Variants in REC114 observed in about 807,000 individuals in gnomAD.
REC114 encodes the protein REC114 meiotic recombination protein.
REC114 carries 27 observed loss-of-function variants against 31.3 expected under a neutral mutation model. The ratio of observed to expected loss-of-function variants is 0.86; its 90% CI spans 0.64 to 1.19. The LOEUF (loss-of-function observed/expected upper bound fraction) is 1.19, where lower values mean the gene tolerates loss of function less well. Among genes scored for constraint, REC114 ranks in the 50% most tolerant of loss-of-function variants. The pLI is 0.00. For missense variants in REC114, 344 were observed against 326.9 expected, an observed-to-expected ratio of 1.05 and a Z score of -0.40; for synonymous variants, 134 against 127.7, an observed-to-expected ratio of 1.05 and a Z score of -0.33.
chr15:73,546,030 A>T (rs11636797), intron 3 of REC114, among the ~76,000 whole-genome samples: 78,491 of 151,328 alleles, frequency 0.52, 20,449 homozygotes, highest in East Asian at 0.55. Flanking sequence ...CAGGGAAGGT[A>T]GGCTTTCAAT....
chr15:73,532,245 T>C (rs1424471031), intron 2 of REC114, among the ~76,000 whole-genome samples: 1 of 151,074 alleles, frequency 6.6e-6, no homozygotes, highest in East Asian at 1.9e-4. Context: ...TTTGGTTTTT[T>C]GTTCTTGCGA....
intron 2 of REC114, among the ~76,000 whole-genome samples, chr15:73,491,701 C>T (rs1323150277): frequency 1.3e-5 from 2 of 152,008 alleles, no homozygotes; most frequent in Admixed American, 1.3e-4. Flanking sequence ...AGTTTGAGAC[C>T]AGCCTGACCA....
intron 1 of REC114, among the ~76,000 whole-genome samples, chr15:73,469,388 TAATA>T (rs1404149011): frequency 6.6e-6 from 1 of 152,202 alleles, no homozygotes; most frequent in Non-Finnish European, 1.5e-5. Flanking sequence ...TGTCTAATAT[TAATA>T]AAACCACTCC....
intron 1 of REC114, among the ~76,000 whole-genome samples, chr15:73,454,317 A>G (rs375954308): frequency 7.2e-5 from 11 of 152,290 alleles, no homozygotes; most frequent in South Asian, 6.2e-4. Flanking sequence ...TATCTATTCC[A>G]TTCAGCAGTG....
At chr15:73,526,260 A>C (rs1157467845) in intron 2 of REC114, among the ~76,000 whole-genome samples, 5 of 152,202 alleles carry the variant, frequency 3.3e-5, no homozygotes, top group Non-Finnish European at 7.3e-5. Context: ...TCTTGCTTTT[A>C]AAATCTATTC....
At chr15:73,526,070 A>C (rs769035078) in intron 2 of REC114, among the ~76,000 whole-genome samples, 1 of 152,212 alleles carries the variant, frequency 6.6e-6, no homozygotes, top group Non-Finnish European at 1.5e-5. Context: ...ACCCTTTATC[A>C]TAATGAGATG....
intron 2 of REC114, among the ~76,000 whole-genome samples, chr15:73,538,042 A>G (rs1189029811): frequency 7.9e-5 from 12 of 152,226 alleles, no homozygotes; most frequent in Admixed American, 7.9e-4. Context: ...AGTAGGAGTC[A>G]TATGTGGCTG....
intron 1 of REC114, among the ~76,000 whole-genome samples, chr15:73,459,802 C>A (rs552207005): frequency 4.6e-5 from 7 of 152,172 alleles, no homozygotes; most frequent in Non-Finnish European, 1.0e-4. Flanking sequence ...ATTGGCTTCT[C>A]TCTTAGCCTA....
chr15:73,492,679 T>C (rs567783821), intron 2 of REC114, among the ~76,000 whole-genome samples: 23 of 152,348 alleles, frequency 1.5e-4, no homozygotes, highest in Non-Finnish European at 2.2e-4. Flanking sequence ...GAACACACTT[T>C]GAGGGACAAA....
chr15:73,531,916 A>C (rs1789367294), intron 2 of REC114, among the ~76,000 whole-genome samples: 1 of 151,102 alleles, frequency 6.6e-6, no homozygotes, highest in South Asian at 2.1e-4. Context: ...CCTGGACATT[A>C]ATTCTTGGTA....
At chr15:73,540,869 G>A (rs1009028787) in intron 3 of REC114, among the ~76,000 whole-genome samples, 14 of 152,070 alleles carry the variant, frequency 9.2e-5, no homozygotes, top group African/African-American at 3.1e-4. Context: ...TTTGTCTTGC[G>A]ATTTGGATGT....
chr15:73,524,609 T>A (rs1012693132), intron 2 of REC114, among the ~76,000 whole-genome samples: 1 of 152,150 alleles, frequency 6.6e-6, no homozygotes, highest in African/African-American at 2.4e-5. Flanking sequence ...ATTTTTCTTT[T>A]TTTTTGGAGA....
chr15:73,481,082 T>C (rs566387125), intron 2 of REC114, among the ~76,000 whole-genome samples: 1 of 152,326 alleles, frequency 6.6e-6, no homozygotes, highest in South Asian at 2.1e-4. Flanking sequence ...ATCATATATT[T>C]ATATTTTCAA....
chr15:73,551,119 A>G lies in REC114; in HGVS notation c.515A>G (p.Asp172Gly). 6.2e-7 allele frequency: 1 copy of G among 1,611,826 alleles called. No individual in the cohort carries two copies. Among genetic ancestry groups the G allele is most frequent in the African/African-American group, 1.3e-5 (1 of 75,012 alleles). ...AGGGCAACTGAAAGTCAAGGGAAGG[A>G]TTCTGCAAAGAGTGTCCCACGGCAG... Reference protein sequence around the residue: ...PPRATESQGKDSAKSVPRQPG... With the variant: ...PPRATESQGKGSAKSVPRQPG... Residue 172 changes from aspartate to glycine, a missense_variant, in exon 4 of 6, where the codon GAT becomes GGT. Asp to Gly is a moderately conservative substitution (Grantham distance 94, BLOSUM62 -1). Transcript: ENST00000331090.
intron 1 of REC114, among the ~76,000 whole-genome samples, chr15:73,445,105 A>T (rs148156457): frequency 0.017 from 2,561 of 152,320 alleles, 42 homozygotes; most frequent in Non-Finnish European, 0.025. Flanking sequence ...CAGGCAGAGT[A>T]GATTTAGTAC....
chr15:73,531,982 C>CT (rs60376866), intron 2 of REC114, among the ~76,000 whole-genome samples: 3,258 of 138,882 alleles, frequency 0.023, 61 homozygotes, highest in East Asian at 0.054. Context: ...GTTCTCCACT[C>CT]TTTTTTTTTT....
intron 4 of REC114, among the ~76,000 whole-genome samples, chr15:73,554,550 G>A (rs1031059268): frequency 6.6e-6 from 1 of 152,058 alleles, no homozygotes; most frequent in African/African-American, 2.4e-5. Context: ...TGTTAATTGT[G>A]GCTTAACCAG....
At chr15:73,443,416 G>A (rs1435641310) in intron 1 of REC114, 72 bp downstream of exon 1, 1 of 1,456,210 alleles carries the variant, frequency 6.9e-7, no homozygotes, top group Non-Finnish European at 9.1e-7. Context: ...CGAATACACT[G>A]GGCCAGTGCC....
At chr15:73,470,552 T>C (rs1053536684) in intron 1 of REC114, among the ~76,000 whole-genome samples, 1 of 152,184 alleles carries the variant, frequency 6.6e-6, no homozygotes, top group African/African-American at 2.4e-5. Flanking sequence ...AACAAAATAT[T>C]GGGTGTCTAT....
Sources: allele counts gnomAD v4.1 joint callset (sites outside exome capture counted in the v4.1 genomes callset), GRCh38; gene constraint gnomAD v4.1.1; transcripts MANE v1.5; gene names NCBI Gene and HGNC (gene_info 2026-07-23, HGNC 2026-07-21).